ARHGEF10: variants seen among roughly 807,000 people sequenced by gnomAD.
ARHGEF10 encodes the protein Rho guanine nucleotide exchange factor 10, also known as Rho guanine nucleotide exchange factor (GEF) 10.
A neutral mutation model predicts 147.4 loss-of-function variants in ARHGEF10; 140 were observed. The ratio of observed to expected loss-of-function variants is 0.95; its 90% confidence interval spans 0.83 to 1.09. The LOEUF is 1.09. Among genes scored for constraint, ARHGEF10 ranks in the 50% least tolerant of loss-of-function variants. ARHGEF10 has a pLI of 0.00. For synonymous variants in ARHGEF10, 902 were observed against 695.8 expected, an observed-to-expected ratio of 1.30 and a Z score of -4.67; for missense variants, 2,222 against 1,752.7, an observed-to-expected ratio of 1.27 and a Z score of -4.78.
At chr8:1,858,878 G>GCATAGCACCTGCCTCTCTGCT in intron 3 of ARHGEF10, 1 of 177,422 alleles carries the variant, frequency 5.6e-6, no homozygotes, top group South Asian at 9.4e-5. Flanking sequence ...ATTTCTTTGG[G>GCATAGCACCTGCCTCTCTGCT]TGCAGCACCA....
intron 27 of ARHGEF10, among the ~76,000 whole-genome samples, chr8:1,949,513 A>G (rs1055003810): frequency 3.3e-5 from 5 of 152,170 alleles, no homozygotes; most frequent in Non-Finnish European, 5.9e-5. Context: ...CACCAGGCAG[A>G]TGTTTCCTGC....
At chr8:1,875,237 C>G (rs1295003144) in intron 7 of ARHGEF10, among the ~76,000 whole-genome samples, 4 of 136,412 alleles carry the variant, frequency 2.9e-5, no homozygotes, top group African/African-American at 8.2e-5. Context: ...TGGGAGAGTG[C>G]AGACACACAC....
chr8:1,919,655 C>A (rs986693109), intron 18 of ARHGEF10, among the ~76,000 whole-genome samples: 1 of 147,298 alleles, frequency 6.8e-6, no homozygotes, highest in Non-Finnish European at 1.5e-5. Flanking sequence ...ATGAGCTGTT[C>A]TGTCAGTGAT....
At chr8:1,916,910 G>T (rs1327891954) in intron 18 of ARHGEF10, among the ~76,000 whole-genome samples, 1 of 152,134 alleles carries the variant, frequency 6.6e-6, no homozygotes, top group Non-Finnish European at 1.5e-5. Flanking sequence ...TCACACCATT[G>T]TCCGTATACC....
chr8:1,928,540 C>G lies in ARHGEF10; in HGVS notation c.2811C>G (p.Tyr937Ter), dbSNP rs142010865. 13 of 1,614,088 alleles carry G rather than the reference C, an allele frequency of 8.1e-6. No individual in the cohort carries two copies. The highest frequency in any genetic ancestry group is 1.1e-5 in the Non-Finnish European group (13 of 1,180,052). ...AATCTCGCATCCTGTGCATGCTGTA[C>G]GTTCCCGTCGAGGAGAAGCGCAGAG... ...NVESRILCML[Y>*]VPVEEKRREP... Residue 937 changes from tyrosine to a stop codon, truncating the protein, a stop_gained, in exon 24 of 29, where the codon TAC becomes TAG. Transcript: ENST00000349830. LOFTEE classifies it high-confidence loss of function.
intron 7 of ARHGEF10, among the ~76,000 whole-genome samples, chr8:1,873,089 G>A (rs1409137601): frequency 1.3e-5 from 2 of 152,214 alleles, no homozygotes; most frequent in African/African-American, 2.4e-5. Context: ...GCGAGGCCCA[G>A]TGTGTCCCCT....
chr8:1,935,426 C>G (rs867866521), intron 26 of ARHGEF10, among the ~76,000 whole-genome samples: 1 of 152,188 alleles, frequency 6.6e-6, no homozygotes, highest in Non-Finnish European at 1.5e-5. Context: ...GGTTCACTGC[C>G]CTGGAAATCC....
chr8:1,841,862 T>C lies in ARHGEF10; in HGVS notation c.-47-1491T>C, dbSNP rs865992587. On this transcript the variant is annotated intron_variant, in intron 1 of 28. Transcript: ENST00000349830. ...CGGGAACTGGGGCCGCGGCGGGAACTGGGGCCGCGGCGGGAACTGGGGCCG... is the reference window on the plus strand; with the variant it reads ...CGGGAACTGGGGCCGCGGCGGGAACCGGGGCCGCGGCGGGAACTGGGGCCG... 4.5e-4 allele frequency among the ~76,000 whole-genome samples: 51 copies of C among 113,322 alleles called. 1 individual carries two copies. Among genetic ancestry groups the C allele is most frequent in the Non-Finnish European group, 6.5e-4 (35 of 53,440 alleles). The allele number at this position is 113,322 out of a possible 152,430, so 74.3% of individuals were successfully genotyped here. A position where few individuals can be genotyped will look rare whatever the true frequency, so the allele number is the denominator to read the frequency against.
intron 21 of ARHGEF10, 111 bp from the exon 22 acceptor site, chr8:1,925,172 C>G: frequency 7.5e-7 from 1 of 1,331,616 alleles, no homozygotes. Flanking sequence ...GTTGTCTGGC[C>G]CTGTACAAAC....
intron 13 of ARHGEF10, among the ~76,000 whole-genome samples, chr8:1,895,586 T>C (rs899112350): frequency 1.4e-4 from 21 of 152,140 alleles, no homozygotes; most frequent in African/African-American, 5.1e-4. Context: ...GGCTGTTTTA[T>C]ATATTAGGTT....
intron 1 of ARHGEF10, among the ~76,000 whole-genome samples, chr8:1,840,100 T>G (rs1563158632): frequency 7.6e-6 from 1 of 132,234 alleles, no homozygotes; most frequent in African/African-American, 3.1e-5. Flanking sequence ...CTGTCCGGTG[T>G]GGAATCTGTC....
At position 1,835,342 on chromosome 8, in the gene ARHGEF10, G is replaced by A. The variant is rs1347568228; in HGVS notation, c.-47-8011G>A. ...AAACCACGCGGCAGCCCTGTGAGTC[G>A]GTGCCGTCCCTGTGCAGCTGAGGCC... On this transcript the variant is annotated intron_variant, in intron 1 of 28. Coordinates refer to ENST00000349830, the MANE Select transcript of ARHGEF10 (RefSeq NM_014629.4). Among the ~76,000 whole-genome samples, 5 of 152,322 alleles carry A rather than the reference G, an allele frequency of 3.3e-5. 1 individual carries two copies. Among genetic ancestry groups the A allele is most frequent in the Admixed American group, 2.0e-4 (3 of 15,304 alleles).
chr8:1,876,529 A>C, intron 7 of ARHGEF10, 42 bp from the exon 8 acceptor site: 1 of 1,595,460 alleles, frequency 6.3e-7, no homozygotes, highest in Non-Finnish European at 8.6e-7. Flanking sequence ...GCCCACATGG[A>C]ATTCTAAAGT....
At chr8:1,954,615 A>C (rs946567907) in intron 28 of ARHGEF10, among the ~76,000 whole-genome samples, 5 of 152,228 alleles carry the variant, frequency 3.3e-5, no homozygotes, top group Admixed American at 2.0e-4. Flanking sequence ...TGCCCAGGTC[A>C]GAAGGGGCTG....
At chr8:1,946,084 G>T (rs1307470226) in intron 27 of ARHGEF10, among the ~76,000 whole-genome samples, 2 of 152,178 alleles carry the variant, frequency 1.3e-5, no homozygotes, top group East Asian at 3.9e-4. Flanking sequence ...CTATGTTTGT[G>T]AATGCCCTGT....
intron 3 of ARHGEF10, among the ~76,000 whole-genome samples, chr8:1,858,366 T>A (rs1805781491): frequency 6.6e-6 from 1 of 152,152 alleles, no homozygotes; most frequent in Non-Finnish European, 1.5e-5. Flanking sequence ...TGGAACATTG[T>A]AGGGAAAGGA....
intron 1 of ARHGEF10, among the ~76,000 whole-genome samples, chr8:1,825,779 C>G (rs1802736429): frequency 6.6e-6 from 1 of 152,130 alleles, no homozygotes; most frequent in South Asian, 2.1e-4. Context: ...CTCATTGACT[C>G]AAGATGTAAC....
At chr8:1,866,820 C>T (rs562187861) in intron 6 of ARHGEF10, among the ~76,000 whole-genome samples, 6 of 152,352 alleles carry the variant, frequency 3.9e-5, no homozygotes, top group African/African-American at 7.2e-5. Context: ...TCCACGTCCA[C>T]GCACTCACTC....
Position 1,956,944 on chromosome 8 carries a change from C to A in ARHGEF10, c.3716C>A (p.Ala1239Glu). The change falls in exon 29 of 29, where the codon GCA (alanine) becomes GAA (glutamate). Residue 1239 changes from alanine to glutamate, a missense_variant. Coordinates refer to ENST00000349830, the MANE Select transcript of ARHGEF10 (RefSeq NM_014629.4). ...GSSLSQGDPD[A>E]AIWLGDSLGS... ...TCTCTGAGCCAGGGTGACCCTGACG[C>A]AGCCATCTGGTTGGGAGATTCGCTG... is the stretch of plus-strand genomic sequence containing the variant. 6.2e-7 allele frequency: 1 copy of A among 1,614,192 alleles called. No individual in the cohort carries two copies. The highest frequency in any genetic ancestry group is 8.5e-7 in the Non-Finnish European group (1 of 1,180,040).
Sources: allele counts gnomAD v4.1 joint callset (sites outside exome capture counted in the v4.1 genomes callset), GRCh38; gene constraint gnomAD v4.1.1; transcripts MANE v1.5; gene names NCBI Gene and HGNC (gene_info 2026-07-23, HGNC 2026-07-21).